ZNF431: variants seen among roughly 807,000 people sequenced by gnomAD.
The protein encoded by ZNF431 is zinc finger protein 431.
In ZNF431, 34 loss-of-function variants were observed where a neutral mutation model predicts 57.0. The ratio of observed to expected loss-of-function variants is 0.60; its 90% CI spans 0.45 to 0.79. The LOEUF (loss-of-function observed/expected upper bound fraction) is 0.79. Among genes scored for constraint, ZNF431 ranks in the 30% least tolerant of loss-of-function variants. The pLI is 0.00. For synonymous variants in ZNF431, 207 were observed against 220.3 expected, an observed-to-expected ratio of 0.94 and a Z score of 0.54; for missense variants, 607 against 667.1, an observed-to-expected ratio of 0.91 and a Z score of 0.99.
At chr19:21,153,872 A>G (rs1308125529) in intron 2 of ZNF431, among the ~76,000 whole-genome samples, 3 of 151,990 alleles carry the variant, frequency 2.0e-5, no homozygotes, top group South Asian at 4.2e-4. Flanking sequence ...GCCCACCACC[A>G]TGCCCGTCTA....
intron 1 of ZNF431, among the ~76,000 whole-genome samples, chr19:21,142,486 A>AG (rs1387842418): frequency 6.6e-6 from 1 of 152,192 alleles, no homozygotes; most frequent in Admixed American, 6.5e-5. Context: ...GGACCACGGG[A>AG]GGGTCTTCAG....
In ZNF431 at chr19:21,185,884, TTTTAAA is replaced by T. The variant is rs1971360938; in HGVS notation, c.*1852_*1857del. The T allele has an allele frequency of 6.6e-6, 1 of 151,444 alleles. No individual in the cohort carries two copies. The allele number at this position is 151,444 out of a possible 1,614,324, so 9.4% of individuals were successfully genotyped here. On this transcript the variant is annotated 3_prime_UTR_variant, in exon 5 of 5. Transcript: ENST00000311048. ...CCAATTCTACACTTTAAAAAAAAATTTTTAAATGTACAATTAAATTTTTATTTACCA... is the reference window on the plus strand; with the variant it reads ...CCAATTCTACACTTTAAAAAAAAATTTGTACAATTAAATTTTTATTTACCA...
chr19:21,183,566 T>C lies in ZNF431; in HGVS notation c.1263T>C (p.Ile421=), dbSNP rs765730430. Residue 421 remains isoleucine, a synonymous_variant, in exon 5 of 5, where the codon ATT becomes ATC. Transcript: ENST00000311048. ...CAAACCTTACTACACATAAGATGATTCATACTGGAGAGAAACCCTACAAAT... is the reference window on the plus strand; with the variant it reads ...CAAACCTTACTACACATAAGATGATCCATACTGGAGAGAAACCCTACAAAT... ...ESSNLTTHKM[I]HTGEKPYKCE... is the part of the protein sequence containing the mutation. 4 of 1,613,570 alleles carry C rather than the reference T, an allele frequency of 2.5e-6. No homozygotes were observed. In the South Asian group the frequency reaches 4.4e-5, roughly 18 times the overall value.
chr19:21,149,965 A>G, intron 2 of ZNF431: 1 of 589,946 alleles, frequency 1.7e-6, no homozygotes, highest in Non-Finnish European at 3.2e-6. Context: ...TGGGATCCAC[A>G]TCATGCGCAA....
chr19:21,163,120 T>C (rs1970621072), intron 2 of ZNF431, among the ~76,000 whole-genome samples: 3 of 152,240 alleles, frequency 2.0e-5, no homozygotes, highest in Non-Finnish European at 4.4e-5. Flanking sequence ...AGTCACATAA[T>C]GTGTTATTCC....
chr19:21,166,365 G>T lies in ZNF431; in HGVS notation c.127G>T (p.Glu43Ter). ...ATTGACATTTAGGGATGTGGCCATA[G>T]AATTCTCTCTGGAGGAGTGGGAATG... is the stretch of plus-strand genomic sequence containing the variant. ...ETLTFRDVAIEFSLEEWECLN... is the reference protein window; with the variant it reads ...ETLTFRDVAI The change falls in exon 3 of 5, where the codon GAA (glutamate) becomes TAA (stop). Residue 43 changes from glutamate (E) to a stop codon, truncating the protein, a stop_gained. Transcript: ENST00000311048. LOFTEE classifies it high-confidence loss of function. 2.5e-6 allele frequency: 4 copies of T among 1,613,472 alleles called. No homozygotes were observed. The highest frequency in any genetic ancestry group is 3.4e-6 in the Non-Finnish European group (4 of 1,179,846).
At chr19:21,182,183 T>C (rs1483927436) in intron 4 of ZNF431, among the ~76,000 whole-genome samples, 2 of 152,198 alleles carry the variant, frequency 1.3e-5, no homozygotes, top group Non-Finnish European at 2.9e-5. Flanking sequence ...TTCAGCACTT[T>C]ATGTTATGGG....
intron 2 of ZNF431, among the ~76,000 whole-genome samples, chr19:21,162,237 G>T (rs183955900): frequency 1.3e-5 from 2 of 151,652 alleles, no homozygotes; most frequent in South Asian, 4.2e-4. Flanking sequence ...GCAGTGGCAT[G>T]ATCTTGGCAC....
At position 21,183,941 on chromosome 19, in the gene ZNF431, C is replaced by T. The variant is rs1175213176; in HGVS notation, c.1638C>T (p.Asp546=). 1 of 1,611,572 alleles carries T rather than the reference C, an allele frequency of 6.2e-7. No homozygotes were observed. Among genetic ancestry groups the T allele is most frequent in the Non-Finnish European group, 8.5e-7 (1 of 1,179,074 alleles). Residue 546 remains aspartate (D), a synonymous_variant, in exon 5 of 5, where the codon GAC becomes GAT. Coordinates refer to ENST00000311048, the MANE Select transcript of ZNF431 (RefSeq NM_133473.4). ...AACCCTACAACTGTGAAGAATGTGACAATACATTTAACCAGTCCTCAAACC... is the reference window on the plus strand; with the variant it reads ...AACCCTACAACTGTGAAGAATGTGATAATACATTTAACCAGTCCTCAAACC... ...RQKPYNCEEC[D]NTFNQSSNLI...
rs926981600 is a variant in ZNF431 at position 21,188,275 on chromosome 19, A to G, written c.*4241A>G. 3.6e-4 allele frequency: 54 copies of G among 149,130 alleles called. No individual in the cohort carries two copies. The highest frequency in any genetic ancestry group is 1.1e-3 in the African/African-American group (44 of 40,518). The allele number at this position is 149,130 out of a possible 1,614,324, so 9.2% of individuals were successfully genotyped here. ...TTCTGTCTAAAAAAAAAAAAAAAAG[A>G]TAAAAGGTGCAATACTGTCCACAGG... On this transcript the variant is annotated 3_prime_UTR_variant, in exon 5 of 5. Transcript: ENST00000311048.
At chr19:21,146,399 C>T (rs1222079855) in intron 2 of ZNF431, among the ~76,000 whole-genome samples, 1 of 102,032 alleles carries the variant, frequency 9.8e-6, no homozygotes, top group African/African-American at 4.0e-5. Context: ...GACAGAGTGA[C>T]ACTCTGTCTG....
At chr19:21,148,026 C>T (rs1288359985) in intron 2 of ZNF431, among the ~76,000 whole-genome samples, 5 of 150,100 alleles carry the variant, frequency 3.3e-5, no homozygotes, top group Non-Finnish European at 5.9e-5. Context: ...GACAGAGTCT[C>T]GCCCCGTTGC....
chr19:21,143,477 C>A, intron 1 of ZNF431, 74 bp from the exon 2 acceptor site: 1 of 1,207,206 alleles, frequency 8.3e-7, no homozygotes, highest in Non-Finnish European at 1.2e-6. Flanking sequence ...TGGGGATGAA[C>A]TAAGATATCC....
At chr19:21,167,091 CAGG>C (rs1291700609) in intron 3 of ZNF431, among the ~76,000 whole-genome samples, 1 of 152,014 alleles carries the variant, frequency 6.6e-6, no homozygotes, top group African/African-American at 2.4e-5. Context: ...CTCCTGACCT[CAGG>C]AGATCTGCCC....
At chr19:21,173,198 T>C (rs576467103) in intron 4 of ZNF431, among the ~76,000 whole-genome samples, 2 of 152,342 alleles carry the variant, frequency 1.3e-5, no homozygotes, top group East Asian at 3.9e-4. Context: ...AAGAGACACC[T>C]GGGTTGCTTC....
chr19:21,162,887 T>A, intron 2 of ZNF431: 1 of 357,010 alleles, frequency 2.8e-6, no homozygotes, highest in Non-Finnish European at 3.9e-6. Context: ...GCTCCACAAG[T>A]AACAAAAAAG....
At chr19:21,168,005 T>C (rs1166693198) in intron 4 of ZNF431, among the ~76,000 whole-genome samples, 1 of 152,198 alleles carries the variant, frequency 6.6e-6, no homozygotes, top group Non-Finnish European at 1.5e-5. Flanking sequence ...TGTATAATTT[T>C]GAAAAATTCT....
chr19:21,195,653 T>A lies in ZNF431; in HGVS notation c.*11619T>A, dbSNP rs1971592855. 6.6e-6 allele frequency: 1 copy of A among 152,244 alleles called. No individual in the cohort carries two copies. Among genetic ancestry groups the A allele is most frequent in the Non-Finnish European group, 1.5e-5 (1 of 68,030 alleles). 9.4% of individuals were successfully genotyped at this position (152,244 alleles called of 1,614,324 possible). On this transcript the variant is annotated 3_prime_UTR_variant, in exon 5 of 5. Transcript: ENST00000311048. Reference sequence around the variant, plus strand: ...TTTTCTTCCTTGATACGTATGAGATTCACCAGTACCAGTTTTTCTCTTGTG... The same window carrying A: ...TTTTCTTCCTTGATACGTATGAGATACACCAGTACCAGTTTTTCTCTTGTG...
Position 21,167,978 on chromosome 19 carries a change from G to A in ZNF431, c.319+312G>A, listed in dbSNP as rs148363113. Among the ~76,000 whole-genome samples, 318 of 152,030 alleles carry A rather than the reference G, an allele frequency of 2.1e-3. 1 individual carries two copies. The highest frequency in any genetic ancestry group is 0.02 in the Middle Eastern group (6 of 294). ...ATCTGACTGCTTTTTTATTGTTTTG[G>A]GGGACGCACAAATATCTGTATAATT... On this transcript the variant is annotated intron_variant, in intron 4 of 4. Transcript: ENST00000311048.
Sources: gnomAD v4.1 joint callset for allele counts (sites outside exome capture counted in the v4.1 genomes callset) on GRCh38, gnomAD v4.1.1 for gene constraint, MANE v1.5 for transcripts, NCBI Gene and HGNC (gene_info 2026-07-23, HGNC 2026-07-21) for gene names.